Variants in MAST2 observed in about 807,000 individuals in gnomAD.
MAST2 encodes microtubule-associated serine/threonine-protein kinase 2.
Under a neutral mutation model 147.4 loss-of-function variants are expected in MAST2, and 70 were observed. The ratio of observed to expected loss-of-function variants is 0.47; its 90% CI spans 0.39 to 0.58. The LOEUF (loss-of-function observed/expected upper bound fraction) is 0.58, where lower values mean the gene tolerates loss of function less well. Ranked by LOEUF, MAST2 falls within the 20% of genes least tolerant of loss-of-function variation. The pLI is 0.00. For synonymous variants in MAST2, 869 were observed against 896.8 expected, an observed-to-expected ratio of 0.97 and a Z score of 0.55; for missense variants, 2,080 against 2,302.3, an observed-to-expected ratio of 0.90 and a Z score of 1.98.
At chr1:45,958,659 C>G (rs1367221970) in intron 4 of MAST2, among the ~76,000 whole-genome samples, 1 of 152,102 alleles carries the variant, frequency 6.6e-6, no homozygotes, top group Admixed American at 6.6e-5. Flanking sequence ...CCTACTGCTT[C>G]CCTCCTAAGA....
At chr1:45,826,044 G>A (rs1644781627) in intron 2 of MAST2, among the ~76,000 whole-genome samples, 1 of 151,992 alleles carries the variant, frequency 6.6e-6, no homozygotes, top group Non-Finnish European at 1.5e-5. Context: ...TCCAGCTGGG[G>A]CGACAGAGCG....
chr1:45,852,882 T>C (rs1645667092), intron 3 of MAST2, among the ~76,000 whole-genome samples: 1 of 152,176 alleles, frequency 6.6e-6, no homozygotes, highest in African/African-American at 2.4e-5. Context: ...TTTTTGAATC[T>C]GCACCACTGG....
At chr1:45,806,434 C>CT (rs1644144320) in intron 1 of MAST2, among the ~76,000 whole-genome samples, 1 of 152,184 alleles carries the variant, frequency 6.6e-6, no homozygotes, top group Non-Finnish European at 1.5e-5. Context: ...GGATCTCACT[C>CT]TGTCACCCAC....
At chr1:45,965,320 G>A (rs1226040965) in intron 5 of MAST2, among the ~76,000 whole-genome samples, 1 of 152,204 alleles carries the variant, frequency 6.6e-6, no homozygotes, top group Non-Finnish European at 1.5e-5. Flanking sequence ...ACAGTGGGGT[G>A]TTAAAGTCTC....
intron 3 of MAST2, among the ~76,000 whole-genome samples, chr1:45,829,994 A>G (rs568940329): frequency 6.7e-6 from 1 of 150,070 alleles, no homozygotes; most frequent in East Asian, 2.0e-4. Context: ...AGCTGGGATT[A>G]CAGGTGTGCG....
chr1:45,873,442 C>T (rs1391034760), intron 3 of MAST2, among the ~76,000 whole-genome samples: 1 of 152,036 alleles, frequency 6.6e-6, no homozygotes, highest in Admixed American at 6.6e-5. Flanking sequence ...AAGGGATCCT[C>T]CTGCCTCAGC....
At chr1:45,865,036 C>G (rs894182878) in intron 3 of MAST2, 2 of 445,612 alleles carry the variant, frequency 4.5e-6, no homozygotes, top group Non-Finnish European at 9.0e-6. Context: ...CCTCTTTATC[C>G]AGCAGTAAGT....
intron 4 of MAST2, among the ~76,000 whole-genome samples, chr1:45,938,950 A>G (rs1371800582): frequency 6.6e-6 from 1 of 152,058 alleles, no homozygotes; most frequent in Admixed American, 6.6e-5. Context: ...TGTTCTAGAT[A>G]CAAGCCCTTT....
chr1:45,806,859 G>T (rs1037678529), intron 1 of MAST2, among the ~76,000 whole-genome samples: 1 of 152,114 alleles, frequency 6.6e-6, no homozygotes, highest in African/African-American at 2.4e-5. Context: ...TTACAGGCGT[G>T]AACTACCACG....
chr1:46,014,850 A>G (rs1645867115), intron 10 of MAST2, among the ~76,000 whole-genome samples: 1 of 152,110 alleles, frequency 6.6e-6, no homozygotes, highest in South Asian at 2.1e-4. Context: ...AGAACCCTCC[A>G]CCCCAAATCA....
chr1:45,894,589 G>A (rs1482618561), intron 4 of MAST2, among the ~76,000 whole-genome samples: 1 of 152,112 alleles, frequency 6.6e-6, no homozygotes, highest in South Asian at 2.1e-4. Flanking sequence ...GTAATGGATG[G>A]CAGTAAACAG....
chr1:45,945,612 G>A (rs771864261), intron 4 of MAST2, among the ~76,000 whole-genome samples: 1 of 152,042 alleles, frequency 6.6e-6, no homozygotes, highest in Admixed American at 6.5e-5. Context: ...ATACAGGATG[G>A]GTTTAATCTG....
intron 1 of MAST2, among the ~76,000 whole-genome samples, chr1:45,811,084 C>T (rs1644277473): frequency 6.6e-6 from 1 of 151,574 alleles, no homozygotes; most frequent in Non-Finnish European, 1.5e-5. Flanking sequence ...CTCCCGACCT[C>T]AAGTGATCCA....
At chr1:46,029,132 A>C (rs148720186) in intron 18 of MAST2, 199 bp downstream of exon 18, 1 of 598,060 alleles carries the variant, frequency 1.7e-6, no homozygotes, top group Non-Finnish European at 2.8e-6. Context: ...GGGGCTTCAC[A>C]TGTCTCTCAT....
At chr1:45,914,062 C>A (rs1652085654) in intron 4 of MAST2, among the ~76,000 whole-genome samples, 1 of 152,154 alleles carries the variant, frequency 6.6e-6, no homozygotes, top group African/African-American at 2.4e-5. Context: ...TATGAGGTTT[C>A]CAATTCCAGA....
intron 5 of MAST2, among the ~76,000 whole-genome samples, chr1:45,968,596 G>T (rs1643737106): frequency 6.6e-6 from 1 of 151,706 alleles, no homozygotes. Context: ...AAGATAAGGT[G>T]TTTTTTCCCT....
chr1:45,920,011 A>G (rs1375986140), intron 4 of MAST2, among the ~76,000 whole-genome samples: 1 of 152,196 alleles, frequency 6.6e-6, no homozygotes, highest in Non-Finnish European at 1.5e-5. Flanking sequence ...TTGAAGGAAT[A>G]CTTTCAGGCT....
intron 4 of MAST2, among the ~76,000 whole-genome samples, chr1:45,903,276 C>T (rs952086945): frequency 4.6e-5 from 7 of 151,992 alleles, no homozygotes; most frequent in African/African-American, 1.7e-4. Context: ...ATTACAGACA[C>T]TTACCACCAT....
intron 3 of MAST2, among the ~76,000 whole-genome samples, chr1:45,866,373 G>C (rs1225663997): frequency 6.6e-6 from 1 of 152,150 alleles, no homozygotes; most frequent in African/African-American, 2.4e-5. Context: ...TATTTATTTA[G>C]TACTGTACTC....
Sources: allele counts gnomAD v4.1 joint callset (sites outside exome capture counted in the v4.1 genomes callset), GRCh38; gene constraint gnomAD v4.1.1; transcripts MANE v1.5; gene names NCBI Gene and HGNC (gene_info 2026-07-23, HGNC 2026-07-21).